The following DYNC1I1 variants were observed in gnomAD, a reference collection of about 807,000 sequenced individuals.
The protein encoded by DYNC1I1 is dynein cytoplasmic 1 intermediate chain 1.
A neutral mutation model predicts 86.6 loss-of-function variants in DYNC1I1; 43 were observed. The ratio of observed to expected loss-of-function variants is 0.50; its 90% confidence interval spans 0.39 to 0.64. The LOEUF (loss-of-function observed/expected upper bound fraction) is 0.64, where lower values mean the gene tolerates loss of function less well. DYNC1I1 is among the 30% of genes least tolerant of loss of function. The probability of loss-of-function intolerance (pLI) is 0.00; values close to 1 mark genes in which losing one functional copy is unlikely to be tolerated. For missense variants in DYNC1I1, 604 were observed against 788.8 expected, an observed-to-expected ratio of 0.77 and a Z score of 2.81; for synonymous variants, 262 against 283.7, an observed-to-expected ratio of 0.92 and a Z score of 0.77.
downstream of DYNC1I1, among the ~76,000 whole-genome samples, chr7:96,102,630 G>A (rs1791152162): frequency 6.6e-6 from 1 of 152,158 alleles, no homozygotes; most frequent in Non-Finnish European, 1.5e-5. Flanking sequence ...TTTGGGTGAG[G>A]CTCAGAATGG....
intron 16 of DYNC1I1, among the ~76,000 whole-genome samples, chr7:96,089,247 A>G (rs1195238966): frequency 6.6e-6 from 1 of 151,846 alleles, no homozygotes; most frequent in Non-Finnish European, 1.5e-5. Flanking sequence ...TTCTTTTTTA[A>G]CCTTTGGAAG....
chr7:95,933,771 T>C (rs970748712), intron 6 of DYNC1I1, among the ~76,000 whole-genome samples: 2 of 152,100 alleles, frequency 1.3e-5, no homozygotes, highest in African/African-American at 4.8e-5. Flanking sequence ...GACACCTGCC[T>C]TTGAGACACC....
intron 10 of DYNC1I1, among the ~76,000 whole-genome samples, chr7:96,019,377 CTT>C (rs138836687): frequency 2.1e-5 from 3 of 143,298 alleles, no homozygotes; most frequent in African/African-American, 2.6e-5. Flanking sequence ...TCTCCAAGTG[CTT>C]TTTTTTTTTT....
At chr7:95,970,628 C>T (rs921597722) in intron 6 of DYNC1I1, among the ~76,000 whole-genome samples, 3 of 152,084 alleles carry the variant, frequency 2.0e-5, no homozygotes, top group African/African-American at 7.2e-5. Context: ...AGGAAGAAGT[C>T]CACACTTCTT....
At chr7:95,893,049 T>G (rs563623181) in intron 6 of DYNC1I1, among the ~76,000 whole-genome samples, 1 of 152,208 alleles carries the variant, frequency 6.6e-6, no homozygotes, top group Non-Finnish European at 1.5e-5. Flanking sequence ...CATTTCTTAA[T>G]AAGTCTTTAT....
intron 1 of DYNC1I1, among the ~76,000 whole-genome samples, chr7:95,783,333 C>T (rs1290031966): frequency 3.9e-5 from 6 of 152,094 alleles, no homozygotes; most frequent in African/African-American, 7.2e-5. Flanking sequence ...AGCTTCCTTC[C>T]GTAGTTGTTC....
intron 10 of DYNC1I1, among the ~76,000 whole-genome samples, chr7:96,007,785 A>T (rs720780): frequency 1.3e-5 from 2 of 152,046 alleles, no homozygotes; most frequent in Non-Finnish European, 2.9e-5. Context: ...GAAAGATGAC[A>T]CCTTGGGAAA....
chr7:95,802,543 A>G (rs1794605303), intron 1 of DYNC1I1: 1 of 152,188 alleles, frequency 6.6e-6, no homozygotes, highest in South Asian at 2.1e-4. Flanking sequence ...TTTCTTTTCA[A>G]AAATCTGCTA....
rs200496803 is a variant in DYNC1I1 at position 96,030,330 on chromosome 7, TTGTGTG to T, written c.1116+2051_1116+2056del. ...GCTTTCTTCTTCCTTAATGGTAGAG[TTGTGTG>T]TGTGTGTGTGTGTGTGTGTGTGTGT... On this transcript the variant is annotated intron_variant, in intron 11 of 16. Coordinates refer to ENST00000447467, the MANE Select transcript of DYNC1I1 (RefSeq NM_001135556.2). Among the ~76,000 whole-genome samples the T allele has an allele frequency of 4.7e-3, 642 of 135,480 alleles. 6 individuals carry two copies. Among genetic ancestry groups the T allele is most frequent in the African/African-American group, 0.015 (535 of 35,850 alleles). The allele number at this position is 135,480 out of a possible 152,430, so 88.9% of individuals were successfully genotyped here.
chr7:95,965,081 G>C (rs925645496), intron 6 of DYNC1I1, among the ~76,000 whole-genome samples: 1 of 152,192 alleles, frequency 6.6e-6, no homozygotes, highest in Non-Finnish European at 1.5e-5. Flanking sequence ...CAGTAGATGA[G>C]AGGATGGCTA....
At position 95,886,201 on chromosome 7, in the gene DYNC1I1, C is replaced by T. The variant is rs528379505; in HGVS notation, c.490+16203C>T. ...CTATGATCCCAACACTTTGGGAGGC[C>T]GAGGCAGGCAGATCACTTGAGGCTA... On this transcript the variant is annotated intron_variant, in intron 6 of 16. Coordinates refer to ENST00000447467, the MANE Select transcript of DYNC1I1 (RefSeq NM_001135556.2). 3.4e-4 allele frequency among the ~76,000 whole-genome samples: 51 copies of T among 152,184 alleles called. No individual in the cohort carries two copies. The Middle Eastern group carries it at 0.01, about 30-fold the overall frequency.
intron 4 of DYNC1I1, among the ~76,000 whole-genome samples, chr7:95,821,536 A>T (rs1412261460): frequency 6.6e-6 from 1 of 152,128 alleles, no homozygotes; most frequent in African/African-American, 2.4e-5. Context: ...TAAGATTTTC[A>T]GGGCCAAGAA....
intron 10 of DYNC1I1, among the ~76,000 whole-genome samples, chr7:95,999,680 G>A (rs1014882094): frequency 4.6e-5 from 7 of 152,156 alleles, no homozygotes; most frequent in African/African-American, 1.7e-4. Flanking sequence ...AGGAGGGAGT[G>A]TGGGCTGGTG....
chr7:95,921,519 C>G (rs1421018840), intron 6 of DYNC1I1, among the ~76,000 whole-genome samples: 1 of 148,670 alleles, frequency 6.7e-6, no homozygotes, highest in African/African-American at 2.6e-5. Context: ...ACAGACTTTT[C>G]TGCCTACAGA....
chr7:95,843,735 A>G lies in DYNC1I1; in HGVS notation c.374+15619A>G, dbSNP rs768055965. On this transcript the variant is annotated intron_variant, in intron 5 of 16. Coordinates refer to ENST00000447467, the MANE Select transcript of DYNC1I1 (RefSeq NM_001135556.2). Reference sequence around the variant, plus strand: ...AATGACTTCAAGAAAATTGTAAATAAAATGAGAAAATAAGTGCAACTCAAC... The same window carrying G: ...AATGACTTCAAGAAAATTGTAAATAGAATGAGAAAATAAGTGCAACTCAAC... Among the ~76,000 whole-genome samples, 44 of 152,326 alleles carry G rather than the reference A, an allele frequency of 2.9e-4. 1 individual carries two copies. The highest frequency in any genetic ancestry group is 4.6e-4 in the Admixed American group (7 of 15,298).
intron 10 of DYNC1I1, among the ~76,000 whole-genome samples, chr7:96,020,138 G>C (rs551611336): frequency 4.6e-5 from 7 of 151,950 alleles, no homozygotes; most frequent in African/African-American, 1.7e-4. Context: ...GTGTTGGTGG[G>C]GGACATGGAG....
At chr7:96,074,690 T>C (rs1790279460) in intron 14 of DYNC1I1, among the ~76,000 whole-genome samples, 1 of 152,240 alleles carries the variant, frequency 6.6e-6, no homozygotes. Context: ...AGTTTTATTG[T>C]TTTCACACTG....
chr7:96,035,447 C>T (rs1006283621), intron 12 of DYNC1I1, among the ~76,000 whole-genome samples, 172 bp from the exon 13 acceptor site: 8 of 152,088 alleles, frequency 5.3e-5, no homozygotes, highest in African/African-American at 1.7e-4. Flanking sequence ...ACCAGAGATC[C>T]ACAGAAGCAT....
chr7:95,928,462 G>A lies in DYNC1I1; in HGVS notation c.491-49050G>A, dbSNP rs149668485. Among the ~76,000 whole-genome samples the A allele has an allele frequency of 1.1e-3, 175 of 152,338 alleles. 1 individual carries two copies. The highest frequency in any genetic ancestry group is 3.9e-3 in the African/African-American group (164 of 41,580). On this transcript the variant is annotated intron_variant, in intron 6 of 16. Coordinates refer to ENST00000447467, the MANE Select transcript of DYNC1I1 (RefSeq NM_001135556.2). ...CCCTGTTAGTGCAAGGAGCTGAGTG[G>A]CTGAAGAAGCCCAGACTGTAGTGGG...
Sources: gnomAD v4.1 joint callset for allele counts (sites outside exome capture counted in the v4.1 genomes callset) on GRCh38, gnomAD v4.1.1 for gene constraint, MANE v1.5 for transcripts, NCBI Gene and HGNC (gene_info 2026-07-23, HGNC 2026-07-21) for gene names.